Variants in TRAPPC10 observed in about 807,000 individuals in gnomAD.
TRAPPC10 encodes trafficking protein particle complex subunit 10.
TRAPPC10 carries 23 observed loss-of-function variants against 125.5 expected under a neutral mutation model. The observed-to-expected ratio is 0.18, with a 90% confidence interval of 0.13 to 0.26. The LOEUF (loss-of-function observed/expected upper bound fraction) is 0.26, where lower values mean the gene tolerates loss of function less well. Ranked by LOEUF, TRAPPC10 falls within the 10% of genes least tolerant of loss-of-function variation. The pLI is 1.00. For synonymous variants in TRAPPC10, 509 were observed against 518.0 expected, an observed-to-expected ratio of 0.98 and a Z score of 0.24; for missense variants, 1,123 against 1,308.4, an observed-to-expected ratio of 0.86 and a Z score of 2.19.
intron 1 of TRAPPC10, among the ~76,000 whole-genome samples, chr21:44,028,075 T>G (rs754395597): frequency 6.6e-6 from 1 of 152,210 alleles, no homozygotes; most frequent in African/African-American, 2.4e-5. Context: ...ACTGAAGTCA[T>G]CTTTTTGAAT....
intron 1 of TRAPPC10, among the ~76,000 whole-genome samples, chr21:44,021,916 C>A (rs1012106297): frequency 6.6e-6 from 1 of 152,110 alleles, no homozygotes; most frequent in Admixed American, 6.5e-5. Context: ...GGCTTCTTGA[C>A]CTACAGAGCT....
At chr21:44,025,303 G>A (rs2032938382) in intron 1 of TRAPPC10, among the ~76,000 whole-genome samples, 1 of 152,250 alleles carries the variant, frequency 6.6e-6, no homozygotes, top group Non-Finnish European at 1.5e-5. Context: ...CAAAGGGGAA[G>A]TCTGGGGAAA....
intron 1 of TRAPPC10, among the ~76,000 whole-genome samples, chr21:44,017,439 G>T (rs894715591): frequency 1.3e-5 from 2 of 151,882 alleles, no homozygotes; most frequent in Non-Finnish European, 2.9e-5. Flanking sequence ...CTAAGGAGAG[G>T]TTCCTCAATT....
intron 7 of TRAPPC10, among the ~76,000 whole-genome samples, chr21:44,065,443 T>C (rs1021215137): frequency 1.3e-5 from 2 of 152,214 alleles, no homozygotes; most frequent in African/African-American, 4.8e-5. Context: ...CCTTGGCCTT[T>C]CCTTGAGTGG....
At position 44,063,814 on chromosome 21, in the gene TRAPPC10, G is replaced by A. The variant is rs368357012; in HGVS notation, c.1038+29G>A. ...AGTCGGCTGTTTTCCCAATTTACCC[G>A]TTTCTTGATTGTTCCAGCAGAAATC... On this transcript the variant is annotated intron_variant, in intron 7 of 22. Coordinates refer to ENST00000291574, the MANE Select transcript of TRAPPC10 (RefSeq NM_003274.5). The surrounding 1 kb of genome is among the most constrained non-coding windows in gnomAD (Gnocchi z 4.4). 32 of 1,598,428 alleles carry A rather than the reference G, an allele frequency of 2.0e-5. No individual in the cohort carries two copies. In the South Asian group the frequency reaches 2.5e-4, roughly 12 times the overall value.
At chr21:44,053,462 C>A (rs192878044) in intron 4 of TRAPPC10, among the ~76,000 whole-genome samples, 1 of 151,954 alleles carries the variant, frequency 6.6e-6, no homozygotes, top group Non-Finnish European at 1.5e-5. Flanking sequence ...ATTAATGTGC[C>A]GTAAGTTATT....
chr21:44,041,700 A>C (rs2034435679), intron 3 of TRAPPC10, among the ~76,000 whole-genome samples: 1 of 151,722 alleles, frequency 6.6e-6, no homozygotes, highest in South Asian at 2.1e-4. Flanking sequence ...TTTTGTCAGT[A>C]ATTATTTTCC....
intron 2 of TRAPPC10, among the ~76,000 whole-genome samples, chr21:44,034,032 G>A (rs912308855): frequency 2.0e-5 from 3 of 152,200 alleles, no homozygotes; most frequent in Non-Finnish European, 2.9e-5. Flanking sequence ...AGGCAGACGT[G>A]CATAAAGACA....
intron 7 of TRAPPC10, among the ~76,000 whole-genome samples, chr21:44,074,071 G>A (rs1486336939): frequency 1.3e-5 from 2 of 152,046 alleles, no homozygotes; most frequent in Admixed American, 1.3e-4. Flanking sequence ...TACAATAATT[G>A]AAAGTTATAC....
At chr21:44,042,258 A>C (rs563971208) in intron 3 of TRAPPC10, among the ~76,000 whole-genome samples, 18 of 151,066 alleles carry the variant, frequency 1.2e-4, no homozygotes, top group South Asian at 1.1e-3. Flanking sequence ...TTCATTCTTA[A>C]ATTTTTATTG....
chr21:44,075,115 A>C lies in TRAPPC10; in HGVS notation c.1262A>C (p.Asp421Ala). ...PNSEDLNRTV[D>A]LLAGLGAERP... is the part of the protein sequence containing the mutation. ...TCAGAAGATCTCAACAGGACAGTTG[A>C]CCTTTTGGCAGGTTTGGGAGCTGAG... Residue 421 changes from aspartate (D) to alanine (A), a missense_variant, in exon 9 of 23, where the codon GAC becomes GCC. This residue lies in a region of TRAPPC10 where 840 missense variants were observed against 902.0 expected (regional missense o/e 0.93). Coordinates refer to ENST00000291574, the MANE Select transcript of TRAPPC10 (RefSeq NM_003274.5). The C allele has an allele frequency of 6.2e-7, 1 of 1,614,134 alleles. No individual in the cohort carries two copies. The highest frequency in any genetic ancestry group is 1.1e-5 in the South Asian group (1 of 91,084).
intron 17 of TRAPPC10, chr21:44,088,218 T>C: frequency 2.2e-6 from 1 of 446,966 alleles, no homozygotes; most frequent in Non-Finnish European, 4.1e-6. Context: ...GGCGTAAAAC[T>C]TGGGTCATGT....
At chr21:44,029,586 C>A (rs181647769) in intron 1 of TRAPPC10, among the ~76,000 whole-genome samples, 1 of 152,162 alleles carries the variant, frequency 6.6e-6, no homozygotes, top group South Asian at 2.1e-4. Context: ...TTCAAATCTA[C>A]GCTGGGGCAC....
intron 6 of TRAPPC10, chr21:44,062,451 TTAGA>T (rs2036128456): frequency 1.7e-5 from 12 of 700,406 alleles, no homozygotes; most frequent in African/African-American, 1.9e-5. Flanking sequence ...CCATTGGAGC[TTAGA>T]TAGGGCACTG....
intron 3 of TRAPPC10, among the ~76,000 whole-genome samples, chr21:44,050,349 T>G (rs1203119625): frequency 6.8e-6 from 1 of 146,708 alleles, no homozygotes; most frequent in African/African-American, 2.5e-5. Flanking sequence ...CCTTGGGATG[T>G]GGCAGCCCCT....
chr21:44,092,328 A>C (rs2038642292), intron 19 of TRAPPC10, among the ~76,000 whole-genome samples: 1 of 152,192 alleles, frequency 6.6e-6, no homozygotes, highest in Admixed American at 6.5e-5. Flanking sequence ...CTTCTGTTTG[A>C]ACGCACTGTT....
intron 3 of TRAPPC10, among the ~76,000 whole-genome samples, chr21:44,044,409 G>A (rs1162079072): frequency 1.3e-5 from 2 of 150,752 alleles, no homozygotes; most frequent in East Asian, 1.9e-4. Context: ...ACTCTGTTAT[G>A]TTGAATAGTT....
At chr21:44,074,590 T>A in intron 8 of TRAPPC10, 120 bp downstream of exon 8, 3 of 1,321,274 alleles carry the variant, frequency 2.3e-6, no homozygotes, top group Non-Finnish European at 3.1e-6. Flanking sequence ...GCATCCACTT[T>A]AGTGGCCCTA....
In TRAPPC10 at chr21:44,080,113, C is replaced by T. The variant is rs375606142; in HGVS notation, c.1709C>T (p.Pro570Leu). 3.0e-5 allele frequency: 49 copies of T among 1,613,838 alleles called. No homozygotes were observed. Among genetic ancestry groups the T allele is most frequent in the Admixed American group, 1.5e-4 (9 of 60,004 alleles). The part of the protein sequence containing the change: ...CQEILDFASQ[P>L]SDSPGHKIVL... Reference sequence around the variant, plus strand: ...GAGATACTTGACTTTGCCAGCCAGCCGTCAGACAGCCCAGGTAAGACCAGT... The same window carrying T: ...GAGATACTTGACTTTGCCAGCCAGCTGTCAGACAGCCCAGGTAAGACCAGT... The change falls in exon 13 of 23, where the codon CCG becomes CTG. Residue 570 changes from proline (P) to leucine (L), a missense_variant. Coordinates refer to ENST00000291574, the MANE Select transcript of TRAPPC10 (RefSeq NM_003274.5).
Sources: gnomAD v4.1 joint callset for allele counts (sites outside exome capture counted in the v4.1 genomes callset) on GRCh38, gnomAD v4.1.1 for gene constraint, gnomAD v4.1.1 regional missense constraint, Gnocchi (gnomAD v3.1) non-coding constraint, MANE v1.5 for transcripts, NCBI Gene and HGNC (gene_info 2026-07-23, HGNC 2026-07-21) for gene names.